The following VWC2 variants were observed in gnomAD, a reference collection of about 807,000 sequenced individuals.
VWC2 encodes the protein brorin.
A neutral mutation model predicts 29.8 loss-of-function variants in VWC2; 14 were observed. That is an observed-to-expected ratio of 0.47 (90% CI 0.31 to 0.74). The LOEUF (loss-of-function observed/expected upper bound fraction) is 0.74, where lower values mean the gene tolerates loss of function less well. VWC2 is among the 30% of genes least tolerant of loss of function. The pLI, the probability that VWC2 is intolerant of heterozygous loss-of-function variation, is 0.05. For missense variants in VWC2, 457 were observed against 459.8 expected, an observed-to-expected ratio of 0.99 and a Z score of 0.05; for synonymous variants, 213 against 199.0, an observed-to-expected ratio of 1.07 and a Z score of -0.59.
intron 3 of VWC2, among the ~76,000 whole-genome samples, chr7:49,823,632 T>C (rs1313093026): frequency 2.0e-5 from 3 of 152,146 alleles, no homozygotes; most frequent in African/African-American, 7.2e-5. Flanking sequence ...GCAGCGTTAG[T>C]GCCTAGTAAG....
intron 2 of VWC2, among the ~76,000 whole-genome samples, chr7:49,779,395 G>T (rs1788125792): frequency 6.6e-6 from 1 of 152,148 alleles, no homozygotes; most frequent in Non-Finnish European, 1.5e-5. Context: ...CCATTAAGCT[G>T]CTAATAATAA....
intron 3 of VWC2, among the ~76,000 whole-genome samples, chr7:49,846,520 G>T (rs1206978598): frequency 1.3e-5 from 2 of 152,070 alleles, no homozygotes; most frequent in Non-Finnish European, 2.9e-5. Context: ...TTCCAAATTT[G>T]GCCATGGCCT....
chr7:49,895,338 G>C (rs1225312359), intron 3 of VWC2, among the ~76,000 whole-genome samples: 1 of 152,162 alleles, frequency 6.6e-6, no homozygotes, highest in African/African-American at 2.4e-5. Flanking sequence ...CTATCACATT[G>C]TTGATTAAGT....
intron 3 of VWC2, among the ~76,000 whole-genome samples, chr7:49,846,321 C>A (rs967430179): frequency 1.3e-5 from 2 of 152,194 alleles, no homozygotes; most frequent in African/African-American, 4.8e-5. Context: ...CAACAACAAA[C>A]ATAGGTCTTT....
chr7:49,813,129 G>A (rs779239843), intron 3 of VWC2, among the ~76,000 whole-genome samples: 10 of 152,106 alleles, frequency 6.6e-5, no homozygotes, highest in East Asian at 3.9e-4. Context: ...GTTCTTCTCC[G>A]TGTCATTCTA....
intron 3 of VWC2, among the ~76,000 whole-genome samples, chr7:49,899,665 C>T (rs1396906014): frequency 6.6e-6 from 1 of 151,942 alleles, no homozygotes; most frequent in Admixed American, 6.6e-5. Flanking sequence ...AGTATCAAAA[C>T]ACATGAGGCA....
Position 49,918,796 on chromosome 7 carries a change from G to C in VWC2, c.*6611G>C, listed in dbSNP as rs887205951. 3 of 152,336 alleles carry C rather than the reference G, an allele frequency of 2.0e-5. No individual in the cohort carries two copies. The highest frequency in any genetic ancestry group is 4.1e-4 in the South Asian group (2 of 4,826). 9.4% of individuals were successfully genotyped at this position (152,336 alleles called of 1,614,324 possible). ...TCCAAATTTCAGTGATGGGCTGGGC[G>C]TGGTGGCTCACGCCTATAATCCCAG... On this transcript the variant is annotated 3_prime_UTR_variant, in exon 4 of 4. Coordinates refer to ENST00000340652, the MANE Select transcript of VWC2 (RefSeq NM_198570.5).
chr7:49,838,070 G>T lies in VWC2; in HGVS notation c.826+35230G>T, dbSNP rs138153260. On this transcript the variant is annotated intron_variant, in intron 3 of 3. Transcript: ENST00000340652. ...AGTCCAGATGTGCAAGTCCCAAATG[G>T]ACTGGTCTGGCCCAAGTATTGAGTT... Among the ~76,000 whole-genome samples, 115 of 152,350 alleles carry T rather than the reference G, an allele frequency of 7.5e-4. 1 individual carries two copies. The East Asian group carries it at 0.02, about 27-fold the overall frequency.
intron 3 of VWC2, among the ~76,000 whole-genome samples, chr7:49,810,182 C>T (rs1280326451): frequency 6.6e-6 from 1 of 151,856 alleles, no homozygotes; most frequent in Non-Finnish European, 1.5e-5. Context: ...TACACATTCA[C>T]ACACACAACT....
intron 3 of VWC2, among the ~76,000 whole-genome samples, chr7:49,818,747 T>A (rs998983051): frequency 6.7e-6 from 1 of 150,182 alleles, no homozygotes; most frequent in Non-Finnish European, 1.5e-5. Context: ...TATATCTTCA[T>A]ATAAATATAA....
intron 3 of VWC2, among the ~76,000 whole-genome samples, chr7:49,843,517 A>G (rs977578001): frequency 6.6e-6 from 1 of 152,240 alleles, no homozygotes; most frequent in Admixed American, 6.5e-5. Context: ...ATTCACGATA[A>G]TTTGACTATT....
At chr7:49,896,881 A>ATTTT (rs36066373) in intron 3 of VWC2, among the ~76,000 whole-genome samples, 7 of 95,052 alleles carry the variant, frequency 7.4e-5, no homozygotes, top group Non-Finnish European at 1.0e-4. Flanking sequence ...TGGATTGATA[A>ATTTT]TTTTTTTTTT....
At chr7:49,798,187 G>A (rs1268829906) in intron 2 of VWC2, among the ~76,000 whole-genome samples, 1 of 152,246 alleles carries the variant, frequency 6.6e-6, no homozygotes, top group Middle Eastern at 3.2e-3. Flanking sequence ...GAGTTGGCAC[G>A]TGGGGAACCA....
chr7:49,886,120 G>A (rs1791894631), intron 3 of VWC2, among the ~76,000 whole-genome samples: 1 of 152,226 alleles, frequency 6.6e-6, no homozygotes, highest in South Asian at 2.1e-4. Flanking sequence ...AGTGTCTGAA[G>A]CCCCTGGGCT....
intron 3 of VWC2, among the ~76,000 whole-genome samples, chr7:49,811,896 T>C (rs1277945284): frequency 6.6e-6 from 1 of 152,186 alleles, no homozygotes; most frequent in Non-Finnish European, 1.5e-5. Flanking sequence ...CCTAGAATTA[T>C]TATTAATGGC....
In VWC2 at chr7:49,915,058, T is replaced by A. The variant is rs1264359689; in HGVS notation, c.*2873T>A. 6.6e-6 allele frequency: 1 copy of A among 152,216 alleles called. No homozygotes were observed. The highest frequency in any genetic ancestry group is 2.4e-5 in the African/African-American group (1 of 41,460). The allele number at this position is 152,216 out of a possible 1,614,324, so 9.4% of individuals were successfully genotyped here. ...AAAGCTACTTATGTAAGCAATAGAA[T>A]GGTTCTGGAAATTATCTGATGTCTT... On this transcript the variant is annotated 3_prime_UTR_variant, in exon 4 of 4. Transcript: ENST00000340652.
At chr7:49,862,016 T>C (rs1790669552) in intron 3 of VWC2, among the ~76,000 whole-genome samples, 2 of 152,194 alleles carry the variant, frequency 1.3e-5, no homozygotes, top group South Asian at 4.1e-4. Flanking sequence ...CCATAAAAAA[T>C]GGTTGTTGGA....
At chr7:49,907,032 G>A (rs1375440496) in intron 3 of VWC2, among the ~76,000 whole-genome samples, 1 of 152,126 alleles carries the variant, frequency 6.6e-6, no homozygotes. Flanking sequence ...AATGGTGAAG[G>A]CACACAGTGG....
At chr7:49,789,854 C>G (rs938382785) in intron 2 of VWC2, among the ~76,000 whole-genome samples, 3 of 152,216 alleles carry the variant, frequency 2.0e-5, no homozygotes, top group African/African-American at 4.8e-5. Context: ...TTCAGCGTCA[C>G]CCATGCTTCC....
Sources: gnomAD v4.1 joint callset for allele counts (sites outside exome capture counted in the v4.1 genomes callset) on GRCh38, gnomAD v4.1.1 for gene constraint, MANE v1.5 for transcripts, NCBI Gene and HGNC (gene_info 2026-07-23, HGNC 2026-07-21) for gene names.